MED18: variants seen among roughly 807,000 people sequenced by gnomAD.
MED18 encodes the protein mediator of RNA polymerase II transcription subunit 18.
In MED18, 10 loss-of-function variants were observed where a neutral mutation model predicts 13.9. That is an observed-to-expected ratio of 0.72 (90% CI 0.44 to 1.22). MED18 has a LOEUF of 1.22. Ranked by LOEUF, MED18 falls within the 50% of genes most tolerant of loss-of-function variation. The pLI is 0.00. For synonymous variants in MED18, 88 were observed against 93.2 expected (o/e 0.94, Z 0.32); for missense variants, 216 against 279.0 (o/e 0.77, Z 1.61).
At chr1:28,329,510 C>T (rs1291811663) in intron 1 of MED18, among the ~76,000 whole-genome samples, 2 of 152,000 alleles carry the variant, frequency 1.3e-5, no homozygotes, top group African/African-American at 4.8e-5. Flanking sequence ...TGGTCTCGAA[C>T]TCCCAACCTC....
chr1:28,329,625 G>T (rs1342917179), intron 1 of MED18, among the ~76,000 whole-genome samples: 3 of 152,116 alleles, frequency 2.0e-5, no homozygotes, highest in African/African-American at 7.2e-5. Context: ...GCTAGCCGCA[G>T]TGTGGTCTCC....
chr1:28,330,771 C>G, intron 2 of MED18, 36 bp downstream of exon 2: 2 of 1,526,940 alleles, frequency 1.3e-6, no homozygotes, highest in Non-Finnish European at 1.8e-6. Flanking sequence ...ACCTGTTTTC[C>G]TCTTCTCTGT....
Position 28,334,457 on chromosome 1 carries a change from C to A in MED18, c.114C>A (p.Arg38=), listed in dbSNP as rs1327289989. ...LDHSLESLIH[R]LRGLCDNMEP... ...ACAGTTTGGAAAGCCTCATCCACCGCCTTCGTGGTTTGTGTGACAACATGG... is the reference window on the plus strand; with the variant it reads ...ACAGTTTGGAAAGCCTCATCCACCGACTTCGTGGTTTGTGTGACAACATGG... The change falls in exon 3 of 3, where the codon CGC becomes CGA. Residue 38 remains arginine, a synonymous_variant. Coordinates refer to ENST00000373842, the MANE Select transcript of MED18 (RefSeq NM_017638.3). 1.2e-6 allele frequency: 2 copies of A among 1,614,194 alleles called. No homozygotes were observed. The highest frequency in any genetic ancestry group is 1.7e-6 in the Non-Finnish European group (2 of 1,180,030).
At chr1:28,332,023 G>A (rs541516193) in intron 2 of MED18, among the ~76,000 whole-genome samples, 4 of 152,284 alleles carry the variant, frequency 2.6e-5, no homozygotes, top group East Asian at 3.9e-4. Context: ...GATTACAGGC[G>A]TGAGCCACCG....
At position 28,334,448 on chromosome 1, in the gene MED18, C is replaced by T. The variant is rs756815952; in HGVS notation, c.105C>T (p.Leu35=). The change falls in exon 3 of 3, where the codon CTC becomes CTT. Residue 35 remains leucine, a synonymous_variant. Coordinates refer to ENST00000373842, the MANE Select transcript of MED18 (RefSeq NM_017638.3). ...TTTTAGATCACAGTTTGGAAAGCCT[C>T]ATCCACCGCCTTCGTGGTTTGTGTG... is the stretch of plus-strand genomic sequence containing the variant. ...GSVLDHSLES[L]IHRLRGLCDN... is the part of the protein sequence containing the mutation. 8 of 1,614,074 alleles carry T rather than the reference C, an allele frequency of 5.0e-6. No individual in the cohort carries two copies. The highest frequency in any genetic ancestry group is 6.8e-6 in the Non-Finnish European group (8 of 1,179,956).
At chr1:28,333,249 T>G (rs1649802771) in intron 2 of MED18, among the ~76,000 whole-genome samples, 1 of 152,180 alleles carries the variant, frequency 6.6e-6, no homozygotes, top group South Asian at 2.1e-4. Context: ...GCCTAAATGA[T>G]ATTTAAAGCC....
In MED18 at chr1:28,335,399, G is replaced by T; in HGVS notation, c.*429G>T. The T allele has an allele frequency of 5.3e-6, 1 of 187,234 alleles. No homozygotes were observed. The highest frequency in any genetic ancestry group is 1.1e-5 in the Non-Finnish European group (1 of 88,500). The allele number at this position is 187,234 out of a possible 1,614,324, so 11.6% of individuals were successfully genotyped here. On this transcript the variant is annotated 3_prime_UTR_variant, in exon 3 of 3. Transcript: ENST00000373842. ...TGCCAGGCAGGCATTCTTCCTTCAG[G>T]GAGAGGATGGTGAGAATTAATTGGT...
At chr1:28,329,605 G>C (rs1459564041) in intron 1 of MED18, among the ~76,000 whole-genome samples, 1 of 152,032 alleles carries the variant, frequency 6.6e-6, no homozygotes, top group Non-Finnish European at 1.5e-5. Context: ...TCTTTAAAAG[G>C]CATTTTTAGG....
At chr1:28,329,475 C>CG (rs1649634148) in intron 1 of MED18, among the ~76,000 whole-genome samples, 3 of 151,986 alleles carry the variant, frequency 2.0e-5, no homozygotes, top group South Asian at 4.2e-4. Flanking sequence ...TTAGTAGAGT[C>CG]GGGGTTTCTT....
chr1:28,332,152 C>T (rs1157579856), intron 2 of MED18, among the ~76,000 whole-genome samples: 1 of 152,092 alleles, frequency 6.6e-6, no homozygotes, highest in Non-Finnish European at 1.5e-5. Context: ...CAGGCTTATG[C>T]CTGTAATTCC....
chr1:28,335,425 T>C lies in MED18; in HGVS notation c.*455T>C, dbSNP rs182645192. 1.6e-5 allele frequency: 3 copies of C among 183,048 alleles called. No homozygotes were observed. Among genetic ancestry groups the C allele is most frequent in the Admixed American group, 5.4e-5 (1 of 18,654 alleles). 11.3% of individuals were successfully genotyped at this position (183,048 alleles called of 1,614,324 possible). On this transcript the variant is annotated 3_prime_UTR_variant, in exon 3 of 3. Transcript: ENST00000373842. ...GAGAGGATGGTGAGAATTAATTGGT[T>C]CTTTGCACTGTTCTCCTCATGTGGC...
Position 28,330,589 on chromosome 1 carries a change from T to C in MED18, c.-66-8T>C. On this transcript the variant is annotated splice_region_variant and splice_polypyrimidine_tract_variant and intron_variant, in intron 1 of 2. Transcript: ENST00000373842. ...CTTTGATGTATAAACAAGTGAACTC[T>C]TTTCCAGGTATATCCCGTGCCTTAC... is the stretch of plus-strand genomic sequence containing the variant. 2.5e-6 allele frequency: 3 copies of C among 1,189,382 alleles called. No individual in the cohort carries two copies. In the Admixed American group the frequency reaches 6.5e-5, roughly 26 times the overall value. 73.7% of individuals were successfully genotyped at this position (1,189,382 alleles called of 1,614,324 possible).
rs1204182305 is a variant in MED18 at position 28,335,787 on chromosome 1, A to G, written c.*817A>G. On this transcript the variant is annotated 3_prime_UTR_variant, in exon 3 of 3. Transcript: ENST00000373842. ...CAGTGACCAGAGATGACGCCATTGC[A>G]CTCCAGCCTGGGTGAGAAGAGCGAA... The G allele has an allele frequency of 6.6e-6, 1 of 151,912 alleles. No homozygotes were observed. Among genetic ancestry groups the G allele is most frequent in the African/African-American group, 2.4e-5 (1 of 41,330 alleles). The allele number at this position is 151,912 out of a possible 1,614,324, so 9.4% of individuals were successfully genotyped here. A position where few individuals can be genotyped will look rare whatever the true frequency, so the allele number is the denominator to read the frequency against.
intron 2 of MED18, among the ~76,000 whole-genome samples, chr1:28,331,509 T>C (rs932719719): frequency 3.3e-5 from 5 of 151,790 alleles, no homozygotes; most frequent in African/African-American, 1.2e-4. Flanking sequence ...TTTGTATTTT[T>C]AGTAGAGAGT....
chr1:28,332,317 G>A (rs1260988935), intron 2 of MED18, among the ~76,000 whole-genome samples: 1 of 151,812 alleles, frequency 6.6e-6, no homozygotes, highest in African/African-American at 2.4e-5. Flanking sequence ...AGGCTGAGGC[G>A]GGAGGATCAC....
At chr1:28,332,419 A>T (rs1464783861) in intron 2 of MED18, among the ~76,000 whole-genome samples, 1 of 152,118 alleles carries the variant, frequency 6.6e-6, no homozygotes, top group Non-Finnish European at 1.5e-5. Context: ...AAAAAAAAAA[A>T]ACAAAACTAT....
chr1:28,329,787 T>G (rs112714572), intron 1 of MED18, among the ~76,000 whole-genome samples: 7 of 152,222 alleles, frequency 4.6e-5, no homozygotes, highest in South Asian at 2.1e-4. Context: ...TTCAGAGAGA[T>G]AGAACGCCTA....
In MED18 at chr1:28,334,628, CAA is replaced by C. The variant is rs1557754762; in HGVS notation, c.286_287del (p.Lys96GlufsTer16). Reference sequence around the variant, plus strand: ...ACCTGGGACAGCCAGAAATGGGAGACAAGAACCGCCATGCCCTGGTGCGAAAC... The same window carrying C: ...ACCTGGGACAGCCAGAAATGGGAGACGAACCGCCATGCCCTGGTGCGAAAC... ...RYLGQPEMGDKNRHALVRNCV... is the reference protein window; with the variant it reads ...RYLGQPEMGDXNRHALVRNCV... On this transcript the variant is annotated frameshift_variant, in exon 3 of 3. Coordinates refer to ENST00000373842, the MANE Select transcript of MED18 (RefSeq NM_017638.3). LOFTEE classifies it high-confidence loss of function. 6.2e-7 allele frequency: 1 copy of C among 1,612,072 alleles called. No individual in the cohort carries two copies. The highest frequency in any genetic ancestry group is 8.5e-7 in the Non-Finnish European group (1 of 1,178,206).
At position 28,334,803 on chromosome 1, in the gene MED18, C is replaced by A; in HGVS notation, c.460C>A (p.Pro154Thr). The A allele has an allele frequency of 6.2e-7, 1 of 1,614,120 alleles. No homozygotes were observed. Among genetic ancestry groups the A allele is most frequent in the Non-Finnish European group, 8.5e-7 (1 of 1,180,018 alleles). Residue 154 changes from proline (P) to threonine (T), a missense_variant, in exon 3 of 3, where the codon CCA becomes ACA. Coordinates refer to ENST00000373842, the MANE Select transcript of MED18 (RefSeq NM_017638.3). ...MVYKIFRILV[P>T]GNTDSTEALS... ...GTACAAGATTTTCCGCATCCTGGTG[C>A]CAGGGAACACAGACAGCACTGAGGC...
Sources: allele counts gnomAD v4.1 joint callset (sites outside exome capture counted in the v4.1 genomes callset), GRCh38; gene constraint gnomAD v4.1.1; transcripts MANE v1.5; gene names NCBI Gene and HGNC (gene_info 2026-07-23, HGNC 2026-07-21).